The following SHISAL1 variants were observed in gnomAD, a reference collection of about 807,000 sequenced individuals.
SHISAL1 encodes shisa like 1.
A neutral mutation model predicts 22.6 loss-of-function variants in SHISAL1; 9 were observed. That is an observed-to-expected ratio of 0.40 (90% CI 0.24 to 0.70). The LOEUF is 0.70. Among genes scored for constraint, SHISAL1 ranks in the 30% least tolerant of loss-of-function variants. SHISAL1 has a pLI of 0.39. For synonymous variants in SHISAL1, 119 were observed against 115.4 expected, an observed-to-expected ratio of 1.03 and a Z score of -0.20; for missense variants, 246 against 270.6, an observed-to-expected ratio of 0.91 and a Z score of 0.64.
At chr22:44,326,099 A>G in the SHISAL1 span, among the ~76,000 whole-genome samples, 1 of 151,882 alleles carries the variant, frequency 6.6e-6, no homozygotes. Context: ...CACTAAATGC[A>G]TTTCTTTCGG....
At chr22:44,273,113 A>G (rs577546951) in intron 4 of SHISAL1, among the ~76,000 whole-genome samples, 18 of 152,262 alleles carry the variant, frequency 1.2e-4, no homozygotes, top group African/African-American at 3.6e-4. Flanking sequence ...AAAACAAAAA[A>G]AACCACATTG....
chr22:44,261,301 C>A (rs1261319297), intron 4 of SHISAL1, among the ~76,000 whole-genome samples: 2 of 151,880 alleles, frequency 1.3e-5, no homozygotes, highest in African/African-American at 4.8e-5. Context: ...CCAGTGTGCT[C>A]TTCACACTAC....
At chr22:44,305,548 A>C (rs1162247765) in intron 1 of SHISAL1, among the ~76,000 whole-genome samples, 2 of 152,258 alleles carry the variant, frequency 1.3e-5, no homozygotes, top group Non-Finnish European at 2.9e-5. Context: ...GACAGTGTGC[A>C]GCCTGAAGGC....
rs140213012 is a variant in SHISAL1 at position 44,257,870 on chromosome 22, G to A, written c.*-8185C>T. 9.4e-3 allele frequency among the ~76,000 whole-genome samples: 1,425 copies of A among 152,308 alleles called. 9 individuals carry two copies. Among genetic ancestry groups the A allele is most frequent in the Admixed American group, 0.015 (224 of 15,296 alleles). ...TTAAAAAACTTTTAAGGCCAGGCAC[G>A]GTGGCTCACGCCTGTAATCCCAGCA... On this transcript the variant is annotated intron_variant, in intron 4 of 4. Transcript: ENST00000381176.
At chr22:44,261,098 T>TATATATATATATATATATATAC (rs1459696750) in intron 4 of SHISAL1, among the ~76,000 whole-genome samples, 3 of 130,280 alleles carry the variant, frequency 2.3e-5, no homozygotes, top group African/African-American at 1.1e-4. Flanking sequence ...TATATATATA[T>TATATATATATATATATATATAC]ACACTATATG....
chr22:44,277,240 C>CA (rs1342073569), intron 4 of SHISAL1, among the ~76,000 whole-genome samples: 2 of 152,164 alleles, frequency 1.3e-5, no homozygotes, highest in African/African-American at 2.4e-5. Context: ...ATTTGCAGAG[C>CA]AGCTGCTCCG....
Position 44,306,320 on chromosome 22 carries a change from G to T in SHISAL1, c.-32-5343C>A, listed in dbSNP as rs1481607577. On this transcript the variant is annotated intron_variant, in intron 1 of 4. Transcript: ENST00000381176. ...GGCTCAGGGAGCTGTGATGACGATG[G>T]CATGTGTGGAGGGTACCTGGGCTCG... Among the ~76,000 whole-genome samples, 9 of 112,252 alleles carry T rather than the reference G, an allele frequency of 8.0e-5. No homozygotes were observed. The South Asian group carries it at 1.9e-3, about 23-fold the overall frequency. 73.6% of individuals were successfully genotyped at this position (112,252 alleles called of 152,430 possible). A position where few individuals can be genotyped will look rare whatever the true frequency, so the allele number is the denominator to read the frequency against.
intron 3 of SHISAL1, among the ~76,000 whole-genome samples, chr22:44,288,409 G>A (rs1041673951): frequency 3.3e-5 from 5 of 152,124 alleles, no homozygotes; most frequent in Non-Finnish European, 5.9e-5. Context: ...GGCCGAGGCC[G>A]GTGGATCACA....
At chr22:44,327,419 T>G in the SHISAL1 span, among the ~76,000 whole-genome samples, 1 of 152,076 alleles carries the variant, frequency 6.6e-6, no homozygotes, top group African/African-American at 2.4e-5. Flanking sequence ...GATGAACATT[T>G]CTGACCTGGC....
chr22:44,301,898 G>A (rs1223963901), intron 1 of SHISAL1, among the ~76,000 whole-genome samples: 1 of 152,190 alleles, frequency 6.6e-6, no homozygotes, highest in Non-Finnish European at 1.5e-5. Flanking sequence ...AATGGAAGAT[G>A]CCAGGGGCTT....
At chr22:44,275,726 C>T (rs1434155889) in intron 4 of SHISAL1, among the ~76,000 whole-genome samples, 1 of 152,224 alleles carries the variant, frequency 6.6e-6, no homozygotes, top group Admixed American at 6.5e-5. Context: ...AGCAATCTCT[C>T]TCCGAGCCTT....
chr22:44,319,448 C>T, the SHISAL1 span, among the ~76,000 whole-genome samples: 1 of 152,338 alleles, frequency 6.6e-6, no homozygotes, highest in Non-Finnish European at 1.5e-5. Context: ...AGGGAGCTGC[C>T]ACTCCCTGAA....
chr22:44,300,122 G>A (rs922297424), intron 2 of SHISAL1, among the ~76,000 whole-genome samples: 2 of 141,276 alleles, frequency 1.4e-5, no homozygotes, highest in Non-Finnish European at 3.0e-5. Flanking sequence ...GAGAGACAGA[G>A]ACAGAGAGAC....
chr22:44,296,135 G>A lies in SHISAL1; in HGVS notation c.281+537C>T, dbSNP rs577910020. Among the ~76,000 whole-genome samples the A allele has an allele frequency of 1.1e-4, 17 of 152,026 alleles. No homozygotes were observed. In the East Asian group the frequency reaches 3.3e-3, roughly 29 times the overall value. ...GGTAACCCTGCAAAGTGAGTATTCT[G>A]TGTCCCTCCCTCCCTCCCTCCCTCT... On this transcript the variant is annotated intron_variant, in intron 3 of 4. Transcript: ENST00000381176.
In SHISAL1 at chr22:44,296,737, G is replaced by C. The variant is rs373946331; in HGVS notation, c.216C>G (p.Asn72Lys). The change falls in exon 3 of 5, where the codon AAC becomes AAG. Residue 72 changes from asparagine (N) to lysine (K), a missense_variant. Coordinates refer to ENST00000381176, the MANE Select transcript of SHISAL1 (RefSeq NM_001099294.2). ...GCATCACCGCCTGGAACTCCGTCTC[G>C]TTGCAGCAGTATTTGAAGACCGTGT... is the stretch of plus-strand genomic sequence containing the variant. ...HNNTVFKYCC[N>K]ETEFQAVMQA... 1.2e-6 allele frequency: 2 copies of C among 1,614,032 alleles called. No homozygotes were observed. The highest frequency in any genetic ancestry group is 2.7e-5 in the African/African-American group (2 of 74,944).
intron 1 of SHISAL1, among the ~76,000 whole-genome samples, chr22:44,308,758 G>C (rs902144236): frequency 6.6e-6 from 1 of 152,146 alleles, no homozygotes; most frequent in Non-Finnish European, 1.5e-5. Flanking sequence ...TGGGAGAACA[G>C]AGCATGGGCT....
the SHISAL1 span, among the ~76,000 whole-genome samples, chr22:44,327,841 T>C: frequency 6.6e-6 from 1 of 152,314 alleles, no homozygotes; most frequent in South Asian, 2.1e-4. Context: ...TCACTCATCC[T>C]GGCTCAGATG....
intron 4 of SHISAL1, among the ~76,000 whole-genome samples, chr22:44,272,762 C>T (rs1332985197): frequency 6.6e-6 from 1 of 152,174 alleles, no homozygotes; most frequent in Non-Finnish European, 1.5e-5. Context: ...GCTACCATTG[C>T]CCTGGGTGCC....
intron 4 of SHISAL1, among the ~76,000 whole-genome samples, chr22:44,275,184 T>A (rs2055231147): frequency 6.6e-6 from 1 of 151,948 alleles, no homozygotes; most frequent in African/African-American, 2.4e-5. Context: ...CAGAGGGAGG[T>A]GGGGAGCTGC....
Sources: allele counts gnomAD v4.1 joint callset (sites outside exome capture counted in the v4.1 genomes callset), GRCh38; gene constraint gnomAD v4.1.1; transcripts MANE v1.5; gene names NCBI Gene and HGNC (gene_info 2026-07-23, HGNC 2026-07-21).